Variants in HERC4 observed in about 807,000 individuals in gnomAD.
HERC4 encodes the protein probable E3 ubiquitin-protein ligase HERC4.
A neutral mutation model predicts 124.3 loss-of-function variants in HERC4; 28 were observed. The ratio of observed to expected loss-of-function variants is 0.23; its 90% CI spans 0.17 to 0.31. The LOEUF is 0.31. Ranked by LOEUF, HERC4 falls within the 10% of genes least tolerant of loss-of-function variation. The probability of loss-of-function intolerance (pLI) is 1.00; values close to 1 mark genes in which losing one functional copy is unlikely to be tolerated. For synonymous variants in HERC4, 407 were observed against 421.5 expected, an observed-to-expected ratio of 0.97 and a Z score of 0.42; for missense variants, 713 against 1,229.3, an observed-to-expected ratio of 0.58 and a Z score of 6.28.
At chr10:67,980,895 T>G (rs945516752) in intron 15 of HERC4, among the ~76,000 whole-genome samples, 6 of 151,950 alleles carry the variant, frequency 3.9e-5, no homozygotes, top group Non-Finnish European at 7.4e-5. Flanking sequence ...ACCAAAAGCA[T>G]ATAATGAATA....
chr10:68,006,356 C>CGTTTTT (rs1014100948), intron 9 of HERC4, among the ~76,000 whole-genome samples: 9 of 149,338 alleles, frequency 6.0e-5, no homozygotes, highest in Admixed American at 2.7e-4. Flanking sequence ...AACGCCTCAG[C>CGTTTTT]GTTTTTGTTT....
At chr10:68,002,599 C>T (rs944719626) in intron 9 of HERC4, among the ~76,000 whole-genome samples, 15 of 132,582 alleles carry the variant, frequency 1.1e-4, no homozygotes, top group African/African-American at 3.0e-4. Context: ...TAAATTTTTA[C>T]TTTTTTTTTT....
chr10:67,990,609 T>TG (rs1420757578), intron 13 of HERC4, among the ~76,000 whole-genome samples: 2 of 152,112 alleles, frequency 1.3e-5, no homozygotes, highest in African/African-American at 2.4e-5. Context: ...AAGCATTACT[T>TG]GGAGAATTTA....
intron 19 of HERC4, chr10:67,954,339 G>C: frequency 3.3e-6 from 1 of 301,582 alleles, no homozygotes; most frequent in Non-Finnish European, 6.0e-6. Flanking sequence ...ATTGAAATCA[G>C]CAGAAGGAAT....
At chr10:68,059,241 T>C (rs1359278843) in intron 3 of HERC4, among the ~76,000 whole-genome samples, 1 of 151,602 alleles carries the variant, frequency 6.6e-6, no homozygotes, top group Non-Finnish European at 1.5e-5. Context: ...CCATTTGACA[T>C]TTTCATTGAG....
chr10:67,994,281 G>C (rs565448380), intron 9 of HERC4: 1 of 152,202 alleles, frequency 6.6e-6, no homozygotes, highest in East Asian at 1.9e-4. Flanking sequence ...AGATTTAGCA[G>C]GATGTTATTT....
chr10:67,999,125 GGTATGTTAGATCTCAAGATT>G (rs1359233855), intron 9 of HERC4, among the ~76,000 whole-genome samples: 2 of 151,988 alleles, frequency 1.3e-5, no homozygotes, highest in Non-Finnish European at 2.9e-5. Context: ...GTGTATACCT[GGTATGTTAGATCTCAAGATT>G]ATTAAGTTGT....
intron 19 of HERC4, among the ~76,000 whole-genome samples, chr10:67,943,568 TGG>T (rs2033091706): frequency 1.3e-5 from 2 of 151,906 alleles, no homozygotes; most frequent in Non-Finnish European, 2.9e-5. Context: ...GGTATTAGAG[TGG>T]GGTTGAAACT....
chr10:67,992,152 G>C (rs770385786), intron 11 of HERC4, 47 bp downstream of exon 11: 2 of 1,572,266 alleles, frequency 1.3e-6, no homozygotes, highest in Admixed American at 3.4e-5. Flanking sequence ...CTGGTGCTGG[G>C]ATTACAGGCA....
intron 13 of HERC4, 148 bp from the exon 14 acceptor site, chr10:67,990,548 G>A (rs765544548): frequency 4.5e-5 from 23 of 513,482 alleles, no homozygotes; most frequent in Non-Finnish European, 7.0e-5. Context: ...AAAAAAGAAA[G>A]ACAATGTCTT....
At chr10:67,935,515 G>C (rs1480556805) in intron 22 of HERC4, among the ~76,000 whole-genome samples, 1 of 152,136 alleles carries the variant, frequency 6.6e-6, no homozygotes. Context: ...TACCAAGAAG[G>C]AGGGAGCTAT....
chr10:68,055,424 A>C (rs1002315536), intron 3 of HERC4, among the ~76,000 whole-genome samples: 1 of 152,214 alleles, frequency 6.6e-6, no homozygotes. Flanking sequence ...ATGAAGAAAC[A>C]TCTAACAAGA....
At chr10:68,004,778 G>C (rs1300420534) in intron 9 of HERC4, among the ~76,000 whole-genome samples, 1 of 152,138 alleles carries the variant, frequency 6.6e-6, no homozygotes, top group Non-Finnish European at 1.5e-5. Flanking sequence ...AAGTGGGGTA[G>C]AGCCCCTTAT....
chr10:67,942,938 A>G (rs2033038052), intron 19 of HERC4, among the ~76,000 whole-genome samples: 1 of 152,244 alleles, frequency 6.6e-6, no homozygotes, highest in Non-Finnish European at 1.5e-5. Context: ...AACTTGCTTT[A>G]GTACACATTT....
rs2040818601 is a variant in HERC4 at position 68,059,669 on chromosome 10, T to TATATTATATATCATATTATATATTATA, written c.226+13213_226+13214insTATAATATATAATATGATATATAATAT. ...TTATATTATATATCATATTATATAT[T>TATATTATATATCATATTATATATTATA]ATATTATATATCATAATATTATATA... On this transcript the variant is annotated intron_variant, in intron 3 of 24. Transcript: ENST00000373700. 1.7e-4 allele frequency among the ~76,000 whole-genome samples: 12 copies of TATATTATATATCATATTATATATTATA among 69,460 alleles called. 5 individuals are homozygous for TATATTATATATCATATTATATATTATA. Among genetic ancestry groups the TATATTATATATCATATTATATATTATA allele is most frequent in the African/African-American group, 1.1e-3 (10 of 9,108 alleles). The allele number at this position is 69,460 out of a possible 152,430, so 45.6% of individuals were successfully genotyped here. A position where few individuals can be genotyped will look rare whatever the true frequency, so the allele number is the denominator to read the frequency against.
chr10:68,040,655 C>T (rs1035452832), intron 4 of HERC4: 6 of 170,718 alleles, frequency 3.5e-5, no homozygotes, highest in African/African-American at 1.2e-4. Flanking sequence ...TTTTGGGAGG[C>T]CAAGGCGAGC....
intron 15 of HERC4, among the ~76,000 whole-genome samples, chr10:67,968,682 C>T (rs936933849): frequency 2.0e-5 from 3 of 151,168 alleles, no homozygotes; most frequent in African/African-American, 7.3e-5. Flanking sequence ...GCCAGAGAGG[C>T]TACTCTTACA....
chr10:68,050,174 CAA>C (rs2040226227), intron 3 of HERC4, among the ~76,000 whole-genome samples: 1 of 152,052 alleles, frequency 6.6e-6, no homozygotes, highest in Non-Finnish European at 1.5e-5. Flanking sequence ...CCTGGGCAAC[CAA>C]AGTGAGACCC....
Position 67,980,716 on chromosome 10 carries a change from GATATAA to G in HERC4, c.1806+7941_1806+7946del, listed in dbSNP as rs146896148. Among the ~76,000 whole-genome samples the G allele has an allele frequency of 1.1e-3, 168 of 152,118 alleles. 3 individuals are homozygous for G. The East Asian group carries it at 0.024, about 22-fold the overall frequency. On this transcript the variant is annotated intron_variant, in intron 15 of 24. Transcript: ENST00000373700. ...AACAACTTTTCAAAACAGAGTATAA[GATATAA>G]ATAGAAACAACAAAAAGTTAAAAAG... is the stretch of plus-strand genomic sequence containing the variant.
Sources: allele counts gnomAD v4.1 joint callset (sites outside exome capture counted in the v4.1 genomes callset), GRCh38; gene constraint gnomAD v4.1.1; transcripts MANE v1.5; gene names NCBI Gene and HGNC (gene_info 2026-07-23, HGNC 2026-07-21).